NRG3: variants seen among roughly 807,000 people sequenced by gnomAD.
NRG3 encodes the protein pro-neuregulin-3, membrane-bound isoform.
In NRG3, 31 loss-of-function variants were observed where a neutral mutation model predicts 66.9. The observed-to-expected ratio is 0.46, with a 90% confidence interval of 0.35 to 0.63. NRG3 has a LOEUF of 0.63. Ranked by LOEUF, NRG3 falls within the 20% of genes least tolerant of loss-of-function variation. The pLI is 0.00. For synonymous variants in NRG3, 393 were observed against 359.4 expected (o/e 1.09, Z -1.06); for missense variants, 910 against 878.9 (o/e 1.04, Z -0.45).
At chr10:82,685,137 G>A (rs557970251) in intron 2 of NRG3, among the ~76,000 whole-genome samples, 2 of 151,350 alleles carry the variant, frequency 1.3e-5, no homozygotes, top group African/African-American at 4.9e-5. Flanking sequence ...ATAGACAGAG[G>A]CCCCCCCCAA....
At chr10:82,594,477 T>A (rs1197110803) in intron 2 of NRG3, among the ~76,000 whole-genome samples, 3 of 152,162 alleles carry the variant, frequency 2.0e-5, no homozygotes, top group Non-Finnish European at 4.4e-5. Flanking sequence ...AACATTTAAA[T>A]GTTAAGCACT....
chr10:81,922,372 G>A (rs1342827077), intron 1 of NRG3, among the ~76,000 whole-genome samples: 1 of 152,092 alleles, frequency 6.6e-6, no homozygotes, highest in East Asian at 1.9e-4. Flanking sequence ...AGTATACATT[G>A]TACCACTTAA....
intron 1 of NRG3, among the ~76,000 whole-genome samples, chr10:81,899,329 A>T (rs938928214): frequency 6.6e-6 from 1 of 152,218 alleles, no homozygotes; most frequent in Non-Finnish European, 1.5e-5. Context: ...GCTACCTTTC[A>T]CCTAACATTT....
At chr10:82,483,476 A>G (rs1203375473) in intron 2 of NRG3, among the ~76,000 whole-genome samples, 1 of 152,224 alleles carries the variant, frequency 6.6e-6, no homozygotes, top group Non-Finnish European at 1.5e-5. Context: ...ATGTTTTCAT[A>G]AAGATGTTGG....
chr10:82,858,191 C>T (rs1363511380), intron 3 of NRG3, among the ~76,000 whole-genome samples: 1 of 152,160 alleles, frequency 6.6e-6, no homozygotes, highest in Non-Finnish European at 1.5e-5. Flanking sequence ...GTCCTTTGAC[C>T]CTTTTACTTT....
At chr10:82,468,408 G>C (rs1840897232) in intron 2 of NRG3, among the ~76,000 whole-genome samples, 2 of 118,426 alleles carry the variant, frequency 1.7e-5, no homozygotes, top group South Asian at 4.9e-4. Flanking sequence ...GCACTGCTGA[G>C]AGGCTGAATC....
At chr10:82,812,810 C>A (rs2135515210) in intron 3 of NRG3, among the ~76,000 whole-genome samples, 1 of 152,118 alleles carries the variant, frequency 6.6e-6, no homozygotes, top group South Asian at 2.1e-4. Context: ...TTTGAAACTG[C>A]AAAGCAAAAG....
intron 1 of NRG3, among the ~76,000 whole-genome samples, chr10:81,906,393 G>A (rs1844608122): frequency 6.6e-6 from 1 of 152,170 alleles, no homozygotes; most frequent in Non-Finnish European, 1.5e-5. Flanking sequence ...AATTGCTATT[G>A]TTGTGAATAC....
intron 2 of NRG3, among the ~76,000 whole-genome samples, chr10:82,419,858 A>G (rs1216173072): frequency 6.6e-6 from 1 of 152,094 alleles, no homozygotes; most frequent in Non-Finnish European, 1.5e-5. Context: ...GTTTGTTTAC[A>G]GAGTTGTAAT....
intron 1 of NRG3, among the ~76,000 whole-genome samples, chr10:82,133,173 A>G (rs2069063890): frequency 6.6e-6 from 1 of 151,534 alleles, no homozygotes; most frequent in African/African-American, 2.4e-5. Context: ...AAATTTTTCT[A>G]CTTTTTTGAT....
chr10:82,562,038 C>A (rs1310253871), intron 2 of NRG3, among the ~76,000 whole-genome samples: 1 of 152,142 alleles, frequency 6.6e-6, no homozygotes, highest in Non-Finnish European at 1.5e-5. Context: ...ATTAGACAAA[C>A]CTTCCTACAT....
In NRG3 at chr10:82,215,396, T is replaced by C. The variant is rs1304561079; in HGVS notation, c.824-143343T>C. On this transcript the variant is annotated intron_variant, in intron 1 of 8. Transcript: ENST00000372141. ...TTTCCCAGCATCCTCTGAAAGTTTA[T>C]ATGCTAGAGGTCTCTCCTTCAGCCA... 1.2e-4 allele frequency among the ~76,000 whole-genome samples: 19 copies of C among 152,250 alleles called. 1 individual carries two copies. The highest frequency in any genetic ancestry group is 1.2e-3 in the Admixed American group (19 of 15,282).
intron 8 of NRG3, among the ~76,000 whole-genome samples, chr10:82,979,939 C>T (rs1191191693): frequency 6.6e-6 from 1 of 152,180 alleles, no homozygotes; most frequent in Non-Finnish European, 1.5e-5. Context: ...CGCACTGCCT[C>T]ACACCCATAG....
chr10:82,782,064 T>G (rs929345266), intron 3 of NRG3, among the ~76,000 whole-genome samples: 4 of 152,156 alleles, frequency 2.6e-5, no homozygotes, highest in African/African-American at 7.2e-5. Context: ...AAGACTATGG[T>G]CATGCTACTC....
intron 2 of NRG3, among the ~76,000 whole-genome samples, chr10:82,725,343 C>T (rs12269322): frequency 6.6e-6 from 1 of 152,114 alleles, no homozygotes; most frequent in African/African-American, 2.4e-5. Flanking sequence ...TTGATCATCA[C>T]CTTATTCTTG....
chr10:82,663,324 G>C (rs928693997), intron 2 of NRG3, among the ~76,000 whole-genome samples: 1 of 152,194 alleles, frequency 6.6e-6, no homozygotes, highest in Non-Finnish European at 1.5e-5. Context: ...GGTTTCCTGG[G>C]ATTTAATTGC....
intron 2 of NRG3, among the ~76,000 whole-genome samples, chr10:82,644,719 G>T (rs566830820): frequency 1.3e-5 from 2 of 152,146 alleles, no homozygotes; most frequent in Non-Finnish European, 2.9e-5. Context: ...TCTATGGACG[G>T]GGATGATTTT....
At chr10:82,678,621 A>G (rs2053887435) in intron 2 of NRG3, among the ~76,000 whole-genome samples, 3 of 152,172 alleles carry the variant, frequency 2.0e-5, no homozygotes, top group Admixed American at 2.0e-4. Context: ...GTTATTTTAG[A>G]AAGACAGTGT....
chr10:82,820,754 G>C (rs951276585), intron 3 of NRG3, among the ~76,000 whole-genome samples: 3 of 152,184 alleles, frequency 2.0e-5, no homozygotes, highest in African/African-American at 7.2e-5. Flanking sequence ...GATGATTTCA[G>C]ATTTGAGTTC....
Sources: gnomAD v4.1 joint callset for allele counts (sites outside exome capture counted in the v4.1 genomes callset) on GRCh38, gnomAD v4.1.1 for gene constraint, MANE v1.5 for transcripts, NCBI Gene and HGNC (gene_info 2026-07-23, HGNC 2026-07-21) for gene names.